MIDEAS: variants seen among roughly 807,000 people sequenced by gnomAD.
MIDEAS encodes mitotic deacetylase associated SANT domain protein, also known as mitotic deacetylase-associated SANT domain protein.
MIDEAS carries 26 observed loss-of-function variants against 102.7 expected under a neutral mutation model. That is an observed-to-expected ratio of 0.25 (90% CI 0.19 to 0.35). The LOEUF (loss-of-function observed/expected upper bound fraction) is 0.35. Ranked by LOEUF, MIDEAS falls within the 10% of genes least tolerant of loss-of-function variation. MIDEAS has a pLI of 1.00. For synonymous variants in MIDEAS, 585 were observed against 591.0 expected (o/e 0.99, Z 0.15); for missense variants, 1,231 against 1,435.6 (o/e 0.86, Z 2.30).
chr14:73,718,994 A>G lies in MIDEAS; in HGVS notation c.3149T>C (p.Val1050Ala). ...CKKCGRVFYK[V>A]KSRSAHMKSH... ...CTTCATATGCGCACTGCGGCTCTTC[A>G]CCTTGTAAAACACCCTGCAGCCGGG... Residue 1050 changes from valine to alanine, a missense_variant, in exon 13 of 13, where the codon GTG becomes GCG. Transcript: ENST00000423556. 1 of 1,489,604 alleles carries G rather than the reference A, an allele frequency of 6.7e-7. No homozygotes were observed. The highest frequency in any genetic ancestry group is 8.9e-7 in the Non-Finnish European group (1 of 1,127,454). The allele number at this position is 1,489,604 out of a possible 1,614,324, so 92.3% of individuals were successfully genotyped here. A position where few individuals can be genotyped will look rare whatever the true frequency, so the allele number is the denominator to read the frequency against.
At chr14:73,754,680 C>A (rs892576425) in intron 1 of MIDEAS, among the ~76,000 whole-genome samples, 9 of 152,170 alleles carry the variant, frequency 5.9e-5, no homozygotes, top group African/African-American at 2.2e-4. Context: ...GACCCAAGAC[C>A]AGCTGGGGCC....
rs1387956058 is a variant in MIDEAS at position 73,725,972 on chromosome 14, C to T, written c.2485+61G>A. ...GCTGTGACTCAGCACTGAGCAGGGC[C>T]CCATGGATGCTGGAGACCTCTTGAG... On this transcript the variant is annotated intron_variant, in intron 8 of 12. Transcript: ENST00000423556. This position sits in a 1 kb window ranked among gnomAD's most constrained non-coding sequence, Gnocchi z 4.1. 6 of 1,397,488 alleles carry T rather than the reference C, an allele frequency of 4.3e-6. No individual in the cohort carries two copies. The highest frequency in any genetic ancestry group is 5.0e-6 in the Non-Finnish European group (5 of 1,005,732). The allele number at this position is 1,397,488 out of a possible 1,614,324, so 86.6% of individuals were successfully genotyped here.
intron 1 of MIDEAS, among the ~76,000 whole-genome samples, chr14:73,778,342 G>A (rs1429917270): frequency 6.6e-6 from 1 of 150,440 alleles, no homozygotes; most frequent in African/African-American, 2.4e-5. Flanking sequence ...CAGCCTGGGC[G>A]ACAGAGCGAG....
chr14:73,781,165 C>G (rs1260907902), intron 1 of MIDEAS, among the ~76,000 whole-genome samples: 1 of 152,184 alleles, frequency 6.6e-6, no homozygotes, highest in Non-Finnish European at 1.5e-5. Flanking sequence ...CTTATCCTCT[C>G]TAAGCCTCAG....
In MIDEAS at chr14:73,738,667, C is replaced by T. The variant is rs768835562; in HGVS notation, c.1342G>A (p.Gly448Ser). The change falls in exon 2 of 13, where the codon GGC (glycine) becomes AGC (serine). Residue 448 changes from glycine (G) to serine (S), a missense_variant. Physicochemically the swap from Gly to Ser is moderately conservative, Grantham distance 56. Coordinates refer to ENST00000423556, the MANE Select transcript of MIDEAS (RefSeq NM_001367710.1). ...CGTCGCGTGCTCTGGATCACTCCGC[C>T]CCGTAGCACCTGCCCACAGTCCCCT... is the stretch of plus-strand genomic sequence containing the variant. Reference protein sequence around the residue: ...STGDCGQVLRGGVIQSTRRRR... With the variant: ...STGDCGQVLRSGVIQSTRRRR... The T allele has an allele frequency of 2.5e-6, 4 of 1,613,898 alleles. No individual in the cohort carries two copies. Among genetic ancestry groups the T allele is most frequent in the Non-Finnish European group, 3.4e-6 (4 of 1,179,950 alleles).
intron 1 of MIDEAS, among the ~76,000 whole-genome samples, chr14:73,752,912 T>C (rs1156359352): frequency 1.3e-5 from 2 of 152,214 alleles, no homozygotes; most frequent in African/African-American, 4.8e-5. Context: ...CCAGACTCTC[T>C]GGGACCTGGG....
chr14:73,782,533 T>C (rs2053766315), intron 1 of MIDEAS, among the ~76,000 whole-genome samples: 1 of 152,142 alleles, frequency 6.6e-6, no homozygotes. Context: ...TCTTGCCACA[T>C]TGCCTAGGCT....
At chr14:73,730,121 G>C (rs757639880) in intron 3 of MIDEAS, 136 bp from the exon 4 acceptor site, 5 of 926,630 alleles carry the variant, frequency 5.4e-6, no homozygotes, top group Non-Finnish European at 8.6e-6. Flanking sequence ...CTGAAAAAAG[G>C]AGCAGGTCCA....
intron 4 of MIDEAS, chr14:73,729,022 G>GGGATTGGATTATCC (rs1400334185): frequency 6.6e-6 from 1 of 152,442 alleles, no homozygotes; most frequent in Non-Finnish European, 1.5e-5. Flanking sequence ...ACCACCCTAA[G>GGGATTGGATTATCC]GGATTGGATT....
chr14:73,739,097 G>A lies in MIDEAS; in HGVS notation c.912C>T (p.His304=), dbSNP rs1174420284. Residue 304 remains histidine, a synonymous_variant, in exon 2 of 13, where the codon CAC becomes CAT. Transcript: ENST00000423556. ...GPLGQSHLAH[H]SMAPYPFPPN... ...GGGGGAAGGGGTAGGGTGCCATGCTGTGGTGAGCCAGGTGGGACTGTCCCA... is the reference window on the plus strand; with the variant it reads ...GGGGGAAGGGGTAGGGTGCCATGCTATGGTGAGCCAGGTGGGACTGTCCCA... The A allele has an allele frequency of 6.2e-7, 1 of 1,600,756 alleles. No homozygotes were observed. The highest frequency in any genetic ancestry group is 2.2e-5 in the East Asian group (1 of 44,750).
Position 73,739,220 on chromosome 14 carries a change from T to G in MIDEAS, c.789A>C (p.Ala263=), listed in dbSNP as rs2053247133. Residue 263 remains alanine, a synonymous_variant, in exon 2 of 13, where the codon GCA becomes GCC. Transcript: ENST00000423556. ...QPQQQQQQQQ[A]ALPQMPLFEN... The stretch of plus-strand genomic sequence containing the variant: ...CAAAGAGCGGCATCTGGGGTAGGGC[T>G]GCCTGCTGCTGCTGCTGCTGCTGCT... 6.2e-7 allele frequency: 1 copy of G among 1,612,606 alleles called. No individual in the cohort carries two copies. Among genetic ancestry groups the G allele is most frequent in the African/African-American group, 1.3e-5 (1 of 74,890 alleles).
At chr14:73,785,392 G>C (rs4903146) in intron 1 of MIDEAS, among the ~76,000 whole-genome samples, 1 of 152,148 alleles carries the variant, frequency 6.6e-6, no homozygotes, top group Non-Finnish European at 1.5e-5. Flanking sequence ...TCCCTGCTAA[G>C]AAAGTGGGCC....
intron 11 of MIDEAS, among the ~76,000 whole-genome samples, chr14:73,720,806 T>C (rs1338680730): frequency 6.6e-6 from 1 of 152,186 alleles, no homozygotes; most frequent in Non-Finnish European, 1.5e-5. Context: ...GAGGAACTAA[T>C]GAGATAATGG....
upstream of MIDEAS, chr14:73,790,042 A>G (rs1243007111): frequency 6.6e-6 from 1 of 152,188 alleles, no homozygotes; most frequent in African/African-American, 2.4e-5. Context: ...GAGGGTCAAA[A>G]AACTAGGAAG....
chr14:73,752,486 G>A (rs2053432548), intron 1 of MIDEAS, among the ~76,000 whole-genome samples: 1 of 152,202 alleles, frequency 6.6e-6, no homozygotes, highest in Non-Finnish European at 1.5e-5. Flanking sequence ...CTTGGGGGTT[G>A]GATGGGTCGG....
chr14:73,782,574 T>C (rs2053766892), intron 1 of MIDEAS, among the ~76,000 whole-genome samples: 1 of 152,082 alleles, frequency 6.6e-6, no homozygotes, highest in South Asian at 2.1e-4. Flanking sequence ...AAGTGATCCT[T>C]CCGCCTCAGC....
At chr14:73,726,146 GGGGTGTCGGTGGT>G (rs1315581948) in intron 7 of MIDEAS, 38 bp from the exon 8 acceptor site, 2 of 1,502,550 alleles carry the variant, frequency 1.3e-6, no homozygotes, top group African/African-American at 2.7e-5. Flanking sequence ...GGCACTGACA[GGGGTGTCGGTGGT>G]GGACGGAGCA....
chr14:73,729,017 C>T (rs2053101603), intron 4 of MIDEAS: 1 of 152,418 alleles, frequency 6.6e-6, no homozygotes, highest in Admixed American at 6.5e-5. Flanking sequence ...TCTCTACCAC[C>T]CTAAGGGATT....
intron 1 of MIDEAS, among the ~76,000 whole-genome samples, chr14:73,786,736 C>A (rs899664336): frequency 1.3e-5 from 2 of 152,222 alleles, no homozygotes; most frequent in African/African-American, 4.8e-5. Flanking sequence ...AGGGAAGCAC[C>A]GGGCAGGGGC....
Sources: gnomAD v4.1 joint callset for allele counts (sites outside exome capture counted in the v4.1 genomes callset) on GRCh38, gnomAD v4.1.1 for gene constraint, Gnocchi (gnomAD v3.1) non-coding constraint, MANE v1.5 for transcripts, NCBI Gene and HGNC (gene_info 2026-07-23, HGNC 2026-07-21) for gene names.